The following IGF2 variants were observed in gnomAD, a reference collection of about 807,000 sequenced individuals.
IGF2 encodes the protein insulin-like growth factor 2.
IGF2 carries 2 observed loss-of-function variants against 12.0 expected under a neutral mutation model. The ratio of observed to expected loss-of-function variants is 0.17; its 90% CI spans 0.07 to 0.52. The LOEUF is 0.52. IGF2 is among the 20% of genes least tolerant of loss of function. The pLI, the probability that IGF2 is intolerant of heterozygous loss-of-function variation, is 0.95. For synonymous variants in IGF2, 105 were observed against 110.1 expected, an observed-to-expected ratio of 0.95 and a Z score of 0.29; for missense variants, 211 against 268.0, an observed-to-expected ratio of 0.79 and a Z score of 1.48.
intron 2 of IGF2, among the ~76,000 whole-genome samples, chr11:2,134,623 G>A (rs934480533): frequency 1.3e-5 from 2 of 152,300 alleles, no homozygotes; most frequent in Non-Finnish European, 2.9e-5. Flanking sequence ...GGAATAAGCC[G>A]TGCGGCCTCT....
Position 2,133,489 on chromosome 11 carries a change from G to C in IGF2, c.306+28C>G. The C allele has an allele frequency of 2.5e-6, 4 of 1,600,238 alleles. No homozygotes were observed. Among genetic ancestry groups the C allele is most frequent in the South Asian group, 1.1e-5 (1 of 89,464 alleles). ...GAAGCCCTATTTCTCTGTCTCTAGA[G>C]AGTGGGAAAGGGGCCCAGGACCCTC... On this transcript the variant is annotated intron_variant, in intron 3 of 3. Coordinates refer to ENST00000416167, the MANE Select transcript of IGF2 (RefSeq NM_000612.6). This position sits in a 1 kb window ranked among gnomAD's most constrained non-coding sequence, Gnocchi z 8.9.
rs1564898851 is a variant in IGF2 at position 2,138,374 on chromosome 11, G to A, written c.-152C>T. 1 of 935,100 alleles carries A rather than the reference G, an allele frequency of 1.1e-6. No homozygotes were observed. 57.9% of individuals were successfully genotyped at this position (935,100 alleles called of 1,614,324 possible). On this transcript the variant is annotated 5_prime_UTR_variant, in exon 1 of 4. Transcript: ENST00000416167. Reference sequence around the variant, plus strand: ...GAATGTGCGACGGGGCAGAGCGGGGGGATGGCTTTTTTTTGGGGGGGGGGG... The same window carrying A: ...GAATGTGCGACGGGGCAGAGCGGGGAGATGGCTTTTTTTTGGGGGGGGGGG...
chr11:2,137,128 G>A, intron 1 of IGF2: 1 of 700,846 alleles, frequency 1.4e-6, no homozygotes, highest in East Asian at 1.3e-4. Context: ...GCCCCCTGCT[G>A]CCCTGCCTCA....
intron 2 of IGF2, chr11:2,134,131 C>T (rs1263718558): frequency 1.9e-6 from 1 of 516,362 alleles, no homozygotes; most frequent in East Asian, 6.2e-5. Context: ...GAGACAAGGG[C>T]AGGAGAGGAG....
chr11:2,147,228 C>T, the IGF2 span: 2 of 216,196 alleles, frequency 9.3e-6, no homozygotes, highest in African/African-American at 4.5e-5. The surrounding 1 kb of genome is among the most constrained non-coding windows in gnomAD (Gnocchi z 7.2). Context: ...TTTTCCCTCT[C>T]TACCCACTTT....
At position 2,135,388 on chromosome 11, in the gene IGF2, C is replaced by A; in HGVS notation, c.136G>T (p.Gly46Trp). ...TTACTGAAGTAGAAGCCGCGGTCCC[C>A]ACAGACGAACTGGAGGGTGTCCACC... ...ELVDTLQFVC[G>W]DRGFYFSRPA... Residue 46 changes from glycine to tryptophan, a missense_variant, in exon 2 of 4, where the codon GGG (glycine) becomes TGG (tryptophan). Physicochemically the swap from Gly to Trp is radical, Grantham distance 184 (BLOSUM62 -2). Around this residue, in one of 3 missense-constraint regions of IGF2, gnomAD observed 30 missense variants for 79.2 expected, o/e 0.38. Transcript: ENST00000416167. The A allele has an allele frequency of 6.2e-7, 1 of 1,613,256 alleles. No homozygotes were observed. The highest frequency in any genetic ancestry group is 2.2e-5 in the East Asian group (1 of 44,864).
chr11:2,146,367 C>T, the IGF2 span: 16 of 535,216 alleles, frequency 3.0e-5, no homozygotes, highest in African/African-American at 5.8e-5. Flanking sequence ...GCGCCGCAGA[C>T]GAGGCGCTGA....
chr11:2,132,833 TTTC>T lies in IGF2; in HGVS notation c.*151_*153del. The T allele has an allele frequency of 1.7e-6, 1 of 602,392 alleles. No homozygotes were observed. Among genetic ancestry groups the T allele is most frequent in the South Asian group, 2.3e-5 (1 of 43,806 alleles). The allele number at this position is 602,392 out of a possible 1,614,324, so 37.3% of individuals were successfully genotyped here. On this transcript the variant is annotated 3_prime_UTR_variant, in exon 4 of 4. Transcript: ENST00000416167. Reference sequence around the variant, plus strand: ...GGAGGGGGCCGAGGAGAGTAGCCTGTTTCGGGGAGGCGGGGCACGGGGACTGGG... The same window carrying T: ...GGAGGGGGCCGAGGAGAGTAGCCTGTGGGGAGGCGGGGCACGGGGACTGGG...
intron 1 of IGF2, 54 bp downstream of exon 1, chr11:2,138,175 C>G: frequency 5.1e-6 from 5 of 975,792 alleles, no homozygotes; most frequent in Non-Finnish European, 4.9e-6. Context: ...GCGTCCGGCG[C>G]AAGCCCGCGC....
intron 1 of IGF2, among the ~76,000 whole-genome samples, chr11:2,135,985 C>CA (rs1859004618): frequency 6.6e-6 from 1 of 152,168 alleles, no homozygotes; most frequent in Admixed American, 6.5e-5. Context: ...CCCACCCCTA[C>CA]AGAGCATGTG....
In IGF2 at chr11:2,138,218, A is replaced by G. The variant is rs994905136; in HGVS notation, c.-7+11T>C. ...GCCCCGGCCCCGGCCCGGCCCGCAC[A>G]CGCCGCTTACCTGGAAGCCGGCGAC... On this transcript the variant is annotated intron_variant, in intron 1 of 3. Transcript: ENST00000416167. 2 of 984,172 alleles carry G rather than the reference A, an allele frequency of 2.0e-6. No homozygotes were observed. The highest frequency in any genetic ancestry group is 1.8e-5 in the African/African-American group (1 of 56,942). The allele number at this position is 984,172 out of a possible 1,614,324, so 61.0% of individuals were successfully genotyped here.
At chr11:2,148,506 TA>T in the IGF2 span, 1 of 153,812 alleles carries the variant, frequency 6.5e-6, no homozygotes, top group East Asian at 1.9e-4. This position sits in a 1 kb window ranked among gnomAD's most constrained non-coding sequence, Gnocchi z 4.3. Context: ...AAGCTAAACC[TA>T]GGGGGGACAT....
At chr11:2,140,590 C>A, upstream of IGF2, 1 of 503,920 alleles carries the variant, frequency 2.0e-6, no homozygotes. Context: ...CAGCCCCCTG[C>A]CCGCCCCACT....
chr11:2,134,268 G>A (rs1014127420), intron 2 of IGF2: 3 of 410,790 alleles, frequency 7.3e-6, no homozygotes, highest in Admixed American at 3.5e-5. Flanking sequence ...ACCTTGGGGT[G>A]CCAAAGGGCA....
rs1858601804 is a variant in IGF2 at position 2,131,821 on chromosome 11, CG to C, written c.*1165del. ...TGTGTGCTGTGTGTGCATGTGTGTGCGTGTGCTGTGCGTTTGTGTGCTGTGT... is the reference window on the plus strand; with the variant it reads ...TGTGTGCTGTGTGTGCATGTGTGTGCTGTGCTGTGCGTTTGTGTGCTGTGT... On this transcript the variant is annotated 3_prime_UTR_variant, in exon 4 of 4. Coordinates refer to ENST00000416167, the MANE Select transcript of IGF2 (RefSeq NM_000612.6). 1 of 99,208 alleles carries C rather than the reference CG, an allele frequency of 1.0e-5. No individual in the cohort carries two copies. 6.1% of individuals were successfully genotyped at this position (99,208 alleles called of 1,614,324 possible).
Position 2,135,349 on chromosome 11 carries a change from C to T in IGF2, c.157+18G>A. 3 of 1,593,940 alleles carry T rather than the reference C, an allele frequency of 1.9e-6. No individual in the cohort carries two copies. The highest frequency in any genetic ancestry group is 8.5e-7 in the Non-Finnish European group (1 of 1,169,798). Reference sequence around the variant, plus strand: ...AGGGGCCTGACCAGGTCTGAGGAAGCCCCTCCCAGCTACTTACTGAAGTAG... The same window carrying T: ...AGGGGCCTGACCAGGTCTGAGGAAGTCCCTCCCAGCTACTTACTGAAGTAG... On this transcript the variant is annotated intron_variant, in intron 2 of 3. Transcript: ENST00000416167.
chr11:2,140,925 G>A, upstream of IGF2: 1 of 371,278 alleles, frequency 2.7e-6, no homozygotes, highest in Non-Finnish European at 5.2e-6. Flanking sequence ...ACGCTCTGTG[G>A]CAGGCGGTGG....
At position 2,135,455 on chromosome 11, in the gene IGF2, A is replaced by G; in HGVS notation, c.69T>C (p.Ile23=). ...GGGTCTCACTGGGGCGGTAAGCAGCAATGCAGCACGAGGCGAAGGCCAAGA... is the reference window on the plus strand; with the variant it reads ...GGGTCTCACTGGGGCGGTAAGCAGCGATGCAGCACGAGGCGAAGGCCAAGA... ...LTFLAFASCC[I]AAYRPSETLC... is the part of the protein sequence containing the mutation. Residue 23 remains isoleucine, a synonymous_variant, in exon 2 of 4, where the codon ATT becomes ATC. Transcript: ENST00000416167. The G allele has an allele frequency of 6.2e-7, 1 of 1,613,846 alleles. No individual in the cohort carries two copies. Among genetic ancestry groups the G allele is most frequent in the African/African-American group, 1.3e-5 (1 of 75,054 alleles).
At chr11:2,140,693 CG>C (rs1410695043), upstream of IGF2, 1 of 454,448 alleles carries the variant, frequency 2.2e-6, no homozygotes, top group South Asian at 1.6e-5. Context: ...CAGGAGCGAG[CG>C]CAGCCGCCAG....
Sources: allele counts gnomAD v4.1 joint callset (sites outside exome capture counted in the v4.1 genomes callset), GRCh38; gene constraint gnomAD v4.1.1; regional missense constraint gnomAD v4.1.1; non-coding constraint Gnocchi (gnomAD v3.1); transcripts MANE v1.5; gene names NCBI Gene and HGNC (gene_info 2026-07-23, HGNC 2026-07-21).